Variants in DCDC2C observed in about 807,000 individuals in gnomAD.
The protein encoded by DCDC2C is doublecortin domain containing 2C.
A neutral mutation model predicts 45.0 loss-of-function variants in DCDC2C; 44 were observed. The ratio of observed to expected loss-of-function variants is 0.98; its 90% CI spans 0.77 to 1.26. DCDC2C has a LOEUF of 1.26. Among genes scored for constraint, DCDC2C ranks in the 50% most tolerant of loss-of-function variants. The pLI is 0.00. For synonymous variants in DCDC2C, 187 were observed against 178.8 expected (o/e 1.05, Z -0.37); for missense variants, 447 against 468.9 (o/e 0.95, Z 0.43).
Position 3,847,394 on chromosome 2 carries a change from A to C in DCDC2C, c.*211A>C, listed in dbSNP as rs1355300042. 1 of 369,198 alleles carries C rather than the reference A, an allele frequency of 2.7e-6. No homozygotes were observed. The highest frequency in any genetic ancestry group is 2.1e-5 in the African/African-American group (1 of 47,950). The allele number at this position is 369,198 out of a possible 1,614,324, so 22.9% of individuals were successfully genotyped here. ...TCTCAGTGATATTTCTTTTTAGTAA[A>C]CATTTTAAAGAATGAAACGTGGTTC... is the stretch of plus-strand genomic sequence containing the variant. On this transcript the variant is annotated 3_prime_UTR_variant, in exon 11 of 11. Coordinates refer to ENST00000399143, the MANE Select transcript of DCDC2C (RefSeq NM_001287444.2).
intron 10 of DCDC2C, among the ~76,000 whole-genome samples, chr2:3,786,047 C>G (rs1670642714): frequency 1.3e-5 from 2 of 152,338 alleles, no homozygotes; most frequent in South Asian, 2.1e-4. Flanking sequence ...CTTAGCGTTA[C>G]TACTTTTATT....
At chr2:3,807,109 A>G (rs989122437) in intron 10 of DCDC2C, among the ~76,000 whole-genome samples, 1 of 151,376 alleles carries the variant, frequency 6.6e-6, no homozygotes, top group Non-Finnish European at 1.5e-5. Context: ...GCATGAGGAT[A>G]TAATTTACAT....
chr2:3,739,673 A>G (rs1054195233), intron 3 of DCDC2C, among the ~76,000 whole-genome samples: 1 of 152,248 alleles, frequency 6.6e-6, no homozygotes, highest in Non-Finnish European at 1.5e-5. Context: ...GCTGAGAGCT[A>G]CGTCCACTCA....
chr2:3,730,523 AG>A (rs1301208040), intron 3 of DCDC2C, among the ~76,000 whole-genome samples: 3 of 152,174 alleles, frequency 2.0e-5, no homozygotes, highest in African/African-American at 7.2e-5. Flanking sequence ...AACTGTTTTA[AG>A]GAAAGGACCA....
chr2:3,845,000 T>A (rs932191123), intron 10 of DCDC2C, among the ~76,000 whole-genome samples: 2 of 152,244 alleles, frequency 1.3e-5, no homozygotes, highest in Non-Finnish European at 2.9e-5. Flanking sequence ...CACACGCATC[T>A]ATGTACATGC....
Position 3,734,306 on chromosome 2 carries a change from G to A in DCDC2C, c.416+7227G>A, listed in dbSNP as rs779480362. On this transcript the variant is annotated intron_variant, in intron 3 of 10. Transcript: ENST00000399143. The surrounding 1 kb of genome is among the most constrained non-coding windows in gnomAD (Gnocchi z 4.2). Reference sequence around the variant, plus strand: ...GTGCTGATTAGTGATGGCATATCCAGCCTGGAAGGGCCCACCCTCCCTCCA... The same window carrying A: ...GTGCTGATTAGTGATGGCATATCCAACCTGGAAGGGCCCACCCTCCCTCCA... 9.2e-5 allele frequency among the ~76,000 whole-genome samples: 14 copies of A among 152,340 alleles called. No individual in the cohort carries two copies. The highest frequency in any genetic ancestry group is 1.6e-4 in the Non-Finnish European group (11 of 68,036).
At chr2:3,727,449 G>C (rs1479708593) in intron 3 of DCDC2C, among the ~76,000 whole-genome samples, 1 of 152,104 alleles carries the variant, frequency 6.6e-6, no homozygotes, top group Non-Finnish European at 1.5e-5. Flanking sequence ...TAATGTAGCA[G>C]TTGCAGCTGC....
chr2:3,722,494 G>T (rs1211359093), intron 2 of DCDC2C, among the ~76,000 whole-genome samples: 1 of 152,126 alleles, frequency 6.6e-6, no homozygotes, highest in Non-Finnish European at 1.5e-5. Context: ...GTTGCTCCTT[G>T]GGGGAGATAC....
At chr2:3,834,437 G>C (rs1672025157) in intron 10 of DCDC2C, among the ~76,000 whole-genome samples, 1 of 152,182 alleles carries the variant, frequency 6.6e-6, no homozygotes, top group African/African-American at 2.4e-5. Flanking sequence ...GAATGTCATA[G>C]AGTTGGAATC....
At chr2:3,840,421 G>A (rs902183340) in intron 10 of DCDC2C, among the ~76,000 whole-genome samples, 1 of 152,204 alleles carries the variant, frequency 6.6e-6, no homozygotes, top group Non-Finnish European at 1.5e-5. Flanking sequence ...TATGCTTTTC[G>A]GCGGGGGTTG....
chr2:3,755,350 T>C (rs1436017870), intron 6 of DCDC2C, among the ~76,000 whole-genome samples: 1 of 152,180 alleles, frequency 6.6e-6, no homozygotes, highest in Admixed American at 6.5e-5. Context: ...TAGATGCATA[T>C]GTGTGTATGC....
chr2:3,822,594 TC>T (rs1671720127), intron 10 of DCDC2C, among the ~76,000 whole-genome samples: 3 of 137,904 alleles, frequency 2.2e-5, no homozygotes, highest in Non-Finnish European at 4.7e-5. Flanking sequence ...CTGAATTTTC[TC>T]TAGTTTTAAA....
chr2:3,846,173 ATCT>A (rs1301831963), intron 10 of DCDC2C, among the ~76,000 whole-genome samples: 3 of 143,080 alleles, frequency 2.1e-5, no homozygotes, highest in Non-Finnish European at 3.1e-5. Context: ...CTTCTTCGTC[ATCT>A]TCTTCCTTCT....
intron 8 of DCDC2C, among the ~76,000 whole-genome samples, chr2:3,771,527 A>G (rs1364486978): frequency 3.3e-5 from 5 of 152,220 alleles, no homozygotes; most frequent in Non-Finnish European, 5.9e-5. Context: ...CTAGAGTTAA[A>G]ATTATGTATA....
rs561386380 is a variant in DCDC2C, at chr2:3,771,154, G to A, written c.954+1743G>A. Among the ~76,000 whole-genome samples the A allele has an allele frequency of 1.5e-3, 223 of 152,348 alleles. 1 individual carries two copies. The highest frequency in any genetic ancestry group is 0.014 in the Middle Eastern group (4 of 294). On this transcript the variant is annotated intron_variant, in intron 8 of 10. Coordinates refer to ENST00000399143, the MANE Select transcript of DCDC2C (RefSeq NM_001287444.2). ...CATCCGTCCTCCCTCTGCATCCTCC[G>A]TGCGTGGCGAGAGCAGAAAGAGCGG...
chr2:3,750,235 C>G (rs1260145324), intron 4 of DCDC2C, among the ~76,000 whole-genome samples: 1 of 152,202 alleles, frequency 6.6e-6, no homozygotes, highest in Non-Finnish European at 1.5e-5. Context: ...CTCCCCTCAA[C>G]AGCCCCTATC....
intron 4 of DCDC2C, among the ~76,000 whole-genome samples, chr2:3,747,766 G>A (rs1394071572): frequency 6.6e-6 from 1 of 152,194 alleles, no homozygotes; most frequent in Non-Finnish European, 1.5e-5. Flanking sequence ...AAGCCCTGAG[G>A]GGATGGGGTG....
At chr2:3,723,602 A>C (rs1477120473) in intron 2 of DCDC2C, among the ~76,000 whole-genome samples, 1 of 152,168 alleles carries the variant, frequency 6.6e-6, no homozygotes, top group Non-Finnish European at 1.5e-5. Context: ...GAGTAAGGGC[A>C]GGCCTTACTG....
chr2:3,768,013 A>T (rs947898024), intron 7 of DCDC2C, 133 bp downstream of exon 7: 1 of 1,067,116 alleles, frequency 9.4e-7, no homozygotes, highest in African/African-American at 1.7e-5. Context: ...CTTTATTAAT[A>T]AAAGGTTCAG....
Sources: gnomAD v4.1 joint callset for allele counts (sites outside exome capture counted in the v4.1 genomes callset) on GRCh38, gnomAD v4.1.1 for gene constraint, Gnocchi (gnomAD v3.1) non-coding constraint, MANE v1.5 for transcripts, NCBI Gene and HGNC (gene_info 2026-07-23, HGNC 2026-07-21) for gene names.